Variants in PLEKHG4B observed in about 807,000 individuals in gnomAD.
PLEKHG4B encodes the protein pleckstrin homology and RhoGEF domain containing G4B.
PLEKHG4B carries 111 observed loss-of-function variants against 121.3 expected under a neutral mutation model. That is an observed-to-expected ratio of 0.92 (90% CI 0.78 to 1.07). The LOEUF (loss-of-function observed/expected upper bound fraction) is 1.07. PLEKHG4B is among the 50% of genes least tolerant of loss of function. PLEKHG4B has a pLI of 0.00. For missense variants in PLEKHG4B, 1,831 were observed against 1,757.8 expected (o/e 1.04, Z -0.74); for synonymous variants, 738 against 725.0 (o/e 1.02, Z -0.29).
At chr5:180,846 T>G (rs1736909279) in intron 18 of PLEKHG4B, among the ~76,000 whole-genome samples, 1 of 152,180 alleles carries the variant, frequency 6.6e-6, no homozygotes, top group Admixed American at 6.5e-5. Context: ...ATAAACCAGC[T>G]TTGCACATTA....
At chr5:132,607 A>G (rs1347043831) in intron 2 of PLEKHG4B, among the ~76,000 whole-genome samples, 1 of 152,168 alleles carries the variant, frequency 6.6e-6, no homozygotes, top group African/African-American at 2.4e-5. Context: ...GTTCTTCTAC[A>G]TGTGGCTAGC....
intron 2 of PLEKHG4B, among the ~76,000 whole-genome samples, chr5:125,338 CT>C (rs1338375331): frequency 3.9e-5 from 6 of 151,904 alleles, no homozygotes; most frequent in African/African-American, 1.5e-4. Flanking sequence ...TCCTTGTTTC[CT>C]TTTGTGTACA....
chr5:174,423 G>A (rs1308752446), intron 18 of PLEKHG4B, among the ~76,000 whole-genome samples: 2 of 150,122 alleles, frequency 1.3e-5, no homozygotes, highest in African/African-American at 4.9e-5. Flanking sequence ...GAGTCCAGGG[G>A]CCGGGGGCCA....
chr5:102,229 A>G (rs916280648), intron 1 of PLEKHG4B, among the ~76,000 whole-genome samples: 1 of 152,202 alleles, frequency 6.6e-6, no homozygotes, highest in African/African-American at 2.4e-5. Flanking sequence ...AGATTAATCC[A>G]TATAAAACCC....
Position 163,019 on chromosome 5 carries a change from G to A in PLEKHG4B, c.2947G>A (p.Ala983Thr), listed in dbSNP as rs770024246. The A allele has an allele frequency of 8.3e-6, 13 of 1,563,776 alleles. No individual in the cohort carries two copies. The East Asian group carries it at 2.9e-4, about 34-fold the overall frequency. ...CCCAAAGCATGAGCGTGCCCAGGAG[G>A]CCATGAGGAGGCACCAGAAGCCACC... ...SPPKHERAQE[A>T]MRRHQKPPSF... Residue 983 changes from alanine (A) to threonine (T), a missense_variant, in exon 13 of 20, where the codon GCC becomes ACC. By Grantham distance (58) the Ala-to-Thr change is moderately conservative. Coordinates refer to ENST00000637938, the MANE Select transcript of PLEKHG4B (RefSeq NM_052909.5).
intron 1 of PLEKHG4B, among the ~76,000 whole-genome samples, chr5:110,754 A>G (rs1230397340): frequency 6.6e-5 from 10 of 152,238 alleles, no homozygotes; most frequent in African/African-American, 1.7e-4. Flanking sequence ...ACAAACGTGC[A>G]CACATCCACA....
chr5:180,857 C>T (rs1736909780), intron 18 of PLEKHG4B, among the ~76,000 whole-genome samples: 1 of 152,170 alleles, frequency 6.6e-6, no homozygotes, highest in Admixed American at 6.5e-5. Context: ...TTGCACATTA[C>T]CTATTGGTGA....
Position 140,390 on chromosome 5 carries a change from C to A in PLEKHG4B, c.1151C>A (p.Ala384Asp). The A allele has an allele frequency of 1.3e-6, 2 of 1,552,014 alleles. No homozygotes were observed. Among genetic ancestry groups the A allele is most frequent in the Non-Finnish European group, 1.7e-6 (2 of 1,148,444 alleles). Residue 384 changes from alanine (A) to aspartate (D), a missense_variant, in exon 3 of 20, where the codon GCC becomes GAC. Ala to Asp is a moderately radical substitution (Grantham distance 126). Transcript: ENST00000637938. ...GDLACSSLTG[A>D]SRDLGTGAVA... ...CTGGCCTGCAGCTCCCTGACTGGAGCCAGCAGGGACCTGGGGACTGGGGCA... is the reference window on the plus strand; with the variant it reads ...CTGGCCTGCAGCTCCCTGACTGGAGACAGCAGGGACCTGGGGACTGGGGCA...
At chr5:144,349 A>T (rs1424581592) in intron 5 of PLEKHG4B, among the ~76,000 whole-genome samples, 1 of 152,220 alleles carries the variant, frequency 6.6e-6, no homozygotes, top group Non-Finnish European at 1.5e-5. Context: ...TTTTAGTTTT[A>T]AAAGATGTTC....
chr5:146,066 G>A (rs1735399819), intron 6 of PLEKHG4B, among the ~76,000 whole-genome samples: 1 of 147,240 alleles, frequency 6.8e-6, no homozygotes, highest in African/African-American at 2.5e-5. Context: ...CCCCTCCATG[G>A]TCCTCACTCC....
At chr5:103,938 C>T (rs1281680662) in intron 1 of PLEKHG4B, among the ~76,000 whole-genome samples, 2 of 152,226 alleles carry the variant, frequency 1.3e-5, no homozygotes, top group Admixed American at 6.5e-5. Flanking sequence ...TTAGCTCCCA[C>T]GTGTGAGTGA....
rs1736129206 is a variant in PLEKHG4B at position 163,568 on chromosome 5, CCT to C, written c.3476+24_3476+25del. On this transcript the variant is annotated intron_variant, in intron 13 of 19. Coordinates refer to ENST00000637938, the MANE Select transcript of PLEKHG4B (RefSeq NM_052909.5). Reference sequence around the variant, plus strand: ...GGGCAGGTGAGGTGGACGTCCCCCTCCTCTCGTCCTAGCAGTCCTTGGGGATC... The same window carrying C: ...GGGCAGGTGAGGTGGACGTCCCCCTCCTCGTCCTAGCAGTCCTTGGGGATC... The C allele has an allele frequency of 6.5e-7, 1 of 1,535,066 alleles. No individual in the cohort carries two copies. Among genetic ancestry groups the C allele is most frequent in the African/African-American group, 1.4e-5 (1 of 72,638 alleles).
Position 164,640 on chromosome 5 carries a change from C to CTAATGCTCTGACGGGCGGAGCTCACAG in PLEKHG4B, c.3476+1118_3476+1119insGTAATGCTCTGACGGGCGGAGCTCACA, listed in dbSNP as rs1560945046. Among the ~76,000 whole-genome samples the CTAATGCTCTGACGGGCGGAGCTCACAG allele has an allele frequency of 6.2e-5, 6 of 97,204 alleles. No homozygotes were observed. In the East Asian group the frequency reaches 1.1e-3, roughly 18 times the overall value. The allele number at this position is 97,204 out of a possible 152,430, so 63.8% of individuals were successfully genotyped here. A position where few individuals can be genotyped will look rare whatever the true frequency, so the allele number is the denominator to read the frequency against. On this transcript the variant is annotated intron_variant, in intron 13 of 19. Coordinates refer to ENST00000637938, the MANE Select transcript of PLEKHG4B (RefSeq NM_052909.5). Reference sequence around the variant, plus strand: ...ATGCTGTGACGGAGCGGAGCTCACACTAATGCTCTGACGGGCGGAGCTCAC... The same window carrying CTAATGCTCTGACGGGCGGAGCTCACAG: ...ATGCTGTGACGGAGCGGAGCTCACACTAATGCTCTGACGGGCGGAGCTCACAGTAATGCTCTGACGGGCGGAGCTCAC...
At chr5:164,426 CCCAGTAATGCTGTG>C (rs1736165805) in intron 13 of PLEKHG4B, among the ~76,000 whole-genome samples, 1 of 151,352 alleles carries the variant, frequency 6.6e-6, no homozygotes, top group African/African-American at 2.4e-5. Context: ...GCGGAGTTCA[CCCAGTAATGCTGTG>C]ACAGGGGGCG....
rs1735920162 is a variant in PLEKHG4B at position 159,472 on chromosome 5, C to T, written c.2488-2311C>T. ...TCCCCACCCCTGGCTGTGTGCTGTCCTTGTAAGGTAGATTTTTCTCAGCTT... is the reference window on the plus strand; with the variant it reads ...TCCCCACCCCTGGCTGTGTGCTGTCTTTGTAAGGTAGATTTTTCTCAGCTT... On this transcript the variant is annotated intron_variant, in intron 11 of 19. Coordinates refer to ENST00000637938, the MANE Select transcript of PLEKHG4B (RefSeq NM_052909.5). This position sits in a 1 kb window ranked among gnomAD's most constrained non-coding sequence, Gnocchi z 5.5. 6.6e-6 allele frequency among the ~76,000 whole-genome samples: 1 copy of T among 152,140 alleles called. No homozygotes were observed. Among genetic ancestry groups the T allele is most frequent in the African/African-American group, 2.4e-5 (1 of 41,424 alleles).
At chr5:119,404 C>A (rs1284294177) in intron 2 of PLEKHG4B, among the ~76,000 whole-genome samples, 2 of 152,126 alleles carry the variant, frequency 1.3e-5, no homozygotes, top group African/African-American at 4.8e-5. Context: ...TTTTCACACA[C>A]AAAAAATTTG....
chr5:163,660 A>G, intron 13 of PLEKHG4B, 112 bp downstream of exon 13: 5 of 889,862 alleles, frequency 5.6e-6, no homozygotes, highest in Non-Finnish European at 8.3e-6. Context: ...ATCCGCAGAC[A>G]TCCCTCTGGG....
At chr5:155,018 A>G (rs376117066) in intron 8 of PLEKHG4B, 27 bp downstream of exon 8, 9 of 1,559,560 alleles carry the variant, frequency 5.8e-6, no homozygotes, top group Non-Finnish European at 6.2e-6. Context: ...GCTGCTGCAC[A>G]TGCGACAGTC....
intron 14 of PLEKHG4B, 125 bp from the exon 15 acceptor site, chr5:170,918 A>G (rs529030545): frequency 3.3e-5 from 23 of 695,386 alleles, no homozygotes; most frequent in African/African-American, 3.2e-4. Flanking sequence ...TCACCTGATC[A>G]TGGTACAAAC....
Sources: allele counts gnomAD v4.1 joint callset (sites outside exome capture counted in the v4.1 genomes callset), GRCh38; gene constraint gnomAD v4.1.1; non-coding constraint Gnocchi (gnomAD v3.1); transcripts MANE v1.5; gene names NCBI Gene and HGNC (gene_info 2026-07-23, HGNC 2026-07-21).